The following ZDHHC9 variants were observed in gnomAD, a reference collection of about 807,000 sequenced individuals.
ZDHHC9 encodes zDHHC palmitoyltransferase 9.
Under a neutral mutation model 26.6 loss-of-function variants are expected in ZDHHC9, and 3 were observed. The ratio of observed to expected loss-of-function variants is 0.11; its 90% CI spans 0.05 to 0.29. ZDHHC9 has a LOEUF of 0.29. Among genes scored for constraint, ZDHHC9 ranks in the 10% least tolerant of loss-of-function variants. ZDHHC9 has a pLI of 1.00. For synonymous variants in ZDHHC9, 111 were observed against 109.4 expected (o/e 1.01, Z -0.09); for missense variants, 146 against 296.4 (o/e 0.49, Z 3.73).
At chrX:129,812,933 A>G (rs754675675) in intron 7 of ZDHHC9, 113 bp from the exon 8 acceptor site, 5 of 543,908 alleles carry the variant, frequency 9.2e-6, no homozygotes, top group Non-Finnish European at 1.6e-5. Context: ...TATATCACAA[A>G]AAGCCATGTT....
intron 4 of ZDHHC9, among the ~76,000 whole-genome samples, chrX:129,828,394 G>A (rs750347101): frequency 6.1e-4 from 67 of 109,848 alleles, no homozygotes; most frequent in African/African-American, 1.8e-3. Flanking sequence ...AGATCAAGGC[G>A]GGCGGATCAC....
chrX:129,836,071 T>C (rs1436105336), intron 3 of ZDHHC9, among the ~76,000 whole-genome samples: 1 of 111,313 alleles, frequency 9.0e-6, no homozygotes, highest in Non-Finnish European at 1.9e-5. Flanking sequence ...ATATAGTCAC[T>C]TTTTCCTCTT....
At chrX:129,830,119 G>A (rs1378303453) in intron 3 of ZDHHC9, among the ~76,000 whole-genome samples, 3 of 111,785 alleles carry the variant, frequency 2.7e-5, no homozygotes, top group Non-Finnish European at 5.6e-5. Flanking sequence ...TCTACTCCCT[G>A]TGGTCCTCAC....
At chrX:129,842,136 C>T (rs1479630012) in intron 2 of ZDHHC9, 56 bp from the exon 3 acceptor site, 3 of 482,003 alleles carry the variant, frequency 6.2e-6, no homozygotes, top group South Asian at 3.3e-5. Context: ...AAATACAGTT[C>T]AACCCTCCTT....
At chrX:129,832,731 G>A (rs1022322864) in intron 3 of ZDHHC9, among the ~76,000 whole-genome samples, 36 of 110,108 alleles carry the variant, frequency 3.3e-4, no homozygotes, top group African/African-American at 8.3e-4. Flanking sequence ...TGCAGTGAGC[G>A]GAGATCGTGC....
intron 5 of ZDHHC9, among the ~76,000 whole-genome samples, chrX:129,819,085 A>C (rs1049159250): frequency 1.9e-5 from 2 of 105,481 alleles, no homozygotes; most frequent in Non-Finnish European, 3.9e-5. Context: ...AGGCAGAAGA[A>C]TGGCGTGAAC....
chrX:129,810,147 C>A (rs1927604867), intron 10 of ZDHHC9, among the ~76,000 whole-genome samples: 1 of 108,910 alleles, frequency 9.2e-6, no homozygotes, highest in Non-Finnish European at 1.9e-5. Context: ...TCAGGAGATG[C>A]AGACCATCCT....
At chrX:129,827,099 C>T (rs1928032246) in intron 4 of ZDHHC9, among the ~76,000 whole-genome samples, 1 of 109,780 alleles carries the variant, frequency 9.1e-6, no homozygotes, top group Non-Finnish European at 1.9e-5. Flanking sequence ...GAGGCTGAGG[C>T]ACGAGAATCA....
intron 6 of ZDHHC9, 150 bp from the exon 7 acceptor site, chrX:129,813,875 C>G: frequency 1.9e-6 from 1 of 520,438 alleles, no homozygotes; most frequent in South Asian, 2.8e-5. Flanking sequence ...GGTGAAGAGC[C>G]TCATCTCCTA....
intron 5 of ZDHHC9, among the ~76,000 whole-genome samples, chrX:129,820,051 T>A (rs763773955): frequency 9.0e-6 from 1 of 111,520 alleles, no homozygotes; most frequent in South Asian, 3.7e-4. Flanking sequence ...CTTTTCAACT[T>A]TTAATTGTCA....
At chrX:129,817,279 C>A (rs1927777840) in intron 5 of ZDHHC9, among the ~76,000 whole-genome samples, 1 of 110,768 alleles carries the variant, frequency 9.0e-6, no homozygotes, top group African/African-American at 3.3e-5. Context: ...GGTGAAACCC[C>A]ATCTCTACCA....
At chrX:129,831,012 C>T (rs1219312979) in intron 3 of ZDHHC9, among the ~76,000 whole-genome samples, 3 of 111,432 alleles carry the variant, frequency 2.7e-5, no homozygotes, top group African/African-American at 9.8e-5. Flanking sequence ...CTCCTAAAAG[C>T]CAAGGGTTGG....
chrX:129,837,034 A>G lies in ZDHHC9; in HGVS notation c.167+4745T>C, dbSNP rs5975150. On this transcript the variant is annotated intron_variant, in intron 3 of 10. Transcript: ENST00000357166. ...TTAGAAGAAAAAGCCCTGAGTCAGT[A>G]TAGAGACGTTGGCTGGTCAACTCAT... Among the ~76,000 whole-genome samples the G allele has an allele frequency of 2.0e-3, 229 of 112,246 alleles. 1 individual carries two copies. Among genetic ancestry groups the G allele is most frequent in the African/African-American group, 7.1e-3 (220 of 30,921 alleles).
At chrX:129,812,634 G>C in intron 8 of ZDHHC9, 84 bp downstream of exon 8, 1 of 851,475 alleles carries the variant, frequency 1.2e-6, no homozygotes, top group Admixed American at 2.2e-5. Context: ...AGGCCCTGGA[G>C]ACTCGGTAGT....
At chrX:129,843,219 C>T in intron 2 of ZDHHC9, 40 bp downstream of exon 2, 1 of 114,246 alleles carries the variant, frequency 8.8e-6, no homozygotes, top group Non-Finnish European at 1.9e-5. Flanking sequence ...GGGAGGGGGG[C>T]CCAGAGGTGC....
In ZDHHC9 at chrX:129,828,968, T is replaced by G; in HGVS notation, c.328+13A>C. 1 of 1,211,608 alleles carries G rather than the reference T, an allele frequency of 8.3e-7. No homozygotes were observed. Among genetic ancestry groups the G allele is most frequent in the Non-Finnish European group, 1.1e-6 (1 of 895,553 alleles). On this transcript the variant is annotated intron_variant, in intron 4 of 10. Transcript: ENST00000357166. Reference sequence around the variant, plus strand: ...CACTACACAGCAGCTTGCCAGCTGGTTGGAAGACTCACCTATCTCCATTTC... The same window carrying G: ...CACTACACAGCAGCTTGCCAGCTGGGTGGAAGACTCACCTATCTCCATTTC...
At chrX:129,818,255 C>G (rs1927802566) in intron 5 of ZDHHC9, among the ~76,000 whole-genome samples, 1 of 111,947 alleles carries the variant, frequency 8.9e-6, no homozygotes, top group African/African-American at 3.2e-5. Flanking sequence ...TCCCTTCTCG[C>G]ACCTCTATCT....
In ZDHHC9 at chrX:129,806,055, G is replaced by A. The variant is rs1286030630; in HGVS notation, c.*315C>T. 1 of 291,643 alleles carries A rather than the reference G, an allele frequency of 3.4e-6. No individual in the cohort carries two copies. Among genetic ancestry groups the A allele is most frequent in the Non-Finnish European group, 6.2e-6 (1 of 162,385 alleles). The allele number at this position is 291,643 out of a possible 1,213,427, so 24.0% of individuals were successfully genotyped here. ...ATGAGACCAGTGACCCCAAGCAGGA[G>A]GGCTGGGATCTGGAGGGAAGAGAGG... On this transcript the variant is annotated 3_prime_UTR_variant, in exon 11 of 11. Transcript: ENST00000357166.
Position 129,812,741 on chromosome X carries a change from G to A in ZDHHC9, c.754C>T (p.Leu252Phe), listed in dbSNP as rs770146294. 4.1e-6 allele frequency: 5 copies of A among 1,208,780 alleles called. No homozygotes were observed. In the South Asian group the frequency reaches 8.8e-5, roughly 21 times the overall value. The change falls in exon 8 of 11, where the codon CTC becomes TTC. Residue 252 changes from leucine to phenylalanine, a missense_variant. Physicochemically the swap from Leu to Phe is conservative, Grantham distance 22. Coordinates refer to ENST00000357166, the MANE Select transcript of ZDHHC9 (RefSeq NM_016032.4). ...LTGFHTFLVA[L>F]NQTTNEDIKG... ...ACGTCTTCATTGGTTGTCTGGTTGA[G>A]AGCCACGAGGAAAGTATGAAATCCA...
Sources: gnomAD v4.1 joint callset for allele counts (sites outside exome capture counted in the v4.1 genomes callset) on GRCh38, gnomAD v4.1.1 for gene constraint, MANE v1.5 for transcripts, NCBI Gene and HGNC (gene_info 2026-07-23, HGNC 2026-07-21) for gene names.